FSTL4: variants seen among roughly 807,000 people sequenced by gnomAD.
FSTL4 encodes the protein follistatin like 4.
FSTL4 carries 28 observed loss-of-function variants against 78.2 expected under a neutral mutation model. The ratio of observed to expected loss-of-function variants is 0.36; its 90% CI spans 0.27 to 0.49. FSTL4 has a LOEUF of 0.49. FSTL4 is among the 20% of genes least tolerant of loss of function. The pLI is 0.98. For missense variants in FSTL4, 922 were observed against 1,084.9 expected, an observed-to-expected ratio of 0.85 and a Z score of 2.11; for synonymous variants, 422 against 440.5, an observed-to-expected ratio of 0.96 and a Z score of 0.53.
chr5:133,510,217 T>A (rs965917864), intron 3 of FSTL4, among the ~76,000 whole-genome samples: 1 of 152,166 alleles, frequency 6.6e-6, no homozygotes, highest in South Asian at 2.1e-4. Flanking sequence ...CAATGGAACC[T>A]CGTTGCCTTA....
At chr5:133,422,764 A>C (rs1215673799) in intron 3 of FSTL4, among the ~76,000 whole-genome samples, 32 of 152,232 alleles carry the variant, frequency 2.1e-4, no homozygotes, top group Non-Finnish European at 2.9e-5. Flanking sequence ...TTAGACAATT[A>C]TCGAGCATGG....
intron 3 of FSTL4, among the ~76,000 whole-genome samples, chr5:133,452,514 A>G (rs73280192): frequency 6.6e-6 from 1 of 152,342 alleles, no homozygotes; most frequent in East Asian, 1.9e-4. Context: ...ACCACCACCA[A>G]CAACAGCTAA....
At chr5:133,689,644 G>T in the FSTL4 span, among the ~76,000 whole-genome samples, 1 of 152,294 alleles carries the variant, frequency 6.6e-6, no homozygotes, top group Admixed American at 6.5e-5. Context: ...TTCCTTTGGG[G>T]ATCCAGGTTC....
chr5:133,828,776 A>G, the FSTL4 span, among the ~76,000 whole-genome samples: 1 of 152,250 alleles, frequency 6.6e-6, no homozygotes, highest in South Asian at 2.1e-4. Context: ...TAGTCTTTAC[A>G]GCTTGCTCCT....
chr5:133,745,846 C>T, the FSTL4 span, among the ~76,000 whole-genome samples: 3 of 152,250 alleles, frequency 2.0e-5, no homozygotes, highest in Admixed American at 2.0e-4. Flanking sequence ...AACATTACCC[C>T]TGCAGGGGTT....
At chr5:133,329,927 C>T (rs545324594) in intron 4 of FSTL4, among the ~76,000 whole-genome samples, 25 of 152,314 alleles carry the variant, frequency 1.6e-4, no homozygotes, top group Admixed American at 3.3e-4. Flanking sequence ...CCCTTTGCCC[C>T]GGGTTTGGCA....
chr5:133,463,575 G>A (rs189732907), intron 3 of FSTL4, among the ~76,000 whole-genome samples: 1 of 152,266 alleles, frequency 6.6e-6, no homozygotes, highest in East Asian at 1.9e-4. Flanking sequence ...GCAAGGCAGG[G>A]GAAATGGTCT....
At chr5:133,731,803 C>G in the FSTL4 span, among the ~76,000 whole-genome samples, 2 of 152,160 alleles carry the variant, frequency 1.3e-5, no homozygotes. Context: ...ACAGACACTG[C>G]TGGGGTGCTG....
intron 8 of FSTL4, among the ~76,000 whole-genome samples, chr5:133,228,567 T>C (rs1751401613): frequency 6.6e-6 from 1 of 152,188 alleles, no homozygotes; most frequent in African/African-American, 2.4e-5. Flanking sequence ...AAGAACATAC[T>C]GTGGGCAAGG....
rs184023191 is a variant in FSTL4, at chr5:133,611,321, C to T, written c.-11+1004G>A. Among the ~76,000 whole-genome samples the T allele has an allele frequency of 2.0e-5, 3 of 152,282 alleles. No individual in the cohort carries two copies. Among genetic ancestry groups the T allele is most frequent in the Admixed American group, 2.0e-4 (3 of 15,308 alleles). Reference sequence around the variant, plus strand: ...AAACCCCACTGCCTCGGCGGCTTTCCGCTCCCGCAAGAGTTGCGGGCACAA... The same window carrying T: ...AAACCCCACTGCCTCGGCGGCTTTCTGCTCCCGCAAGAGTTGCGGGCACAA... On this transcript the variant is annotated intron_variant, in intron 1 of 15. Coordinates refer to ENST00000265342, the MANE Select transcript of FSTL4 (RefSeq NM_015082.2). This position sits in a 1 kb window ranked among gnomAD's most constrained non-coding sequence, Gnocchi z 4.9.
intron 3 of FSTL4, among the ~76,000 whole-genome samples, chr5:133,503,174 A>C (rs974491470): frequency 6.6e-5 from 10 of 152,238 alleles, no homozygotes; most frequent in Admixed American, 6.5e-4. Context: ...AAATGATCAC[A>C]GATCATGCTT....
At chr5:133,519,864 C>T (rs987630311) in intron 3 of FSTL4, among the ~76,000 whole-genome samples, 38 of 152,274 alleles carry the variant, frequency 2.5e-4, no homozygotes, top group African/African-American at 8.4e-4. Flanking sequence ...AATGACAATA[C>T]TTAGGCAGGA....
chr5:133,526,275 G>C (rs2112903478), intron 3 of FSTL4, among the ~76,000 whole-genome samples: 1 of 152,266 alleles, frequency 6.6e-6, no homozygotes, highest in East Asian at 1.9e-4. Flanking sequence ...TGAAACCAAG[G>C]GGGTAGCCTC....
At chr5:133,762,441 A>G in the FSTL4 span, among the ~76,000 whole-genome samples, 1 of 152,208 alleles carries the variant, frequency 6.6e-6, no homozygotes, top group Non-Finnish European at 1.5e-5. Flanking sequence ...AACATAGACT[A>G]TAAAGTCAAA....
the FSTL4 span, among the ~76,000 whole-genome samples, chr5:133,639,807 G>C: frequency 1.7e-4 from 26 of 152,266 alleles, no homozygotes; most frequent in Admixed American, 1.2e-3. Flanking sequence ...ACCAGCTCGG[G>C]GTTGAGCTTG....
At chr5:133,459,865 C>G (rs982148894) in intron 3 of FSTL4, among the ~76,000 whole-genome samples, 2 of 152,208 alleles carry the variant, frequency 1.3e-5, no homozygotes, top group Non-Finnish European at 2.9e-5. Flanking sequence ...TCCCCTTTCC[C>G]TAGGCAAAGA....
At chr5:133,812,096 C>G in the FSTL4 span, among the ~76,000 whole-genome samples, 1 of 152,204 alleles carries the variant, frequency 6.6e-6, no homozygotes, top group African/African-American at 2.4e-5. Flanking sequence ...CTCTCTTTCC[C>G]TCATATTCCA....
the FSTL4 span, among the ~76,000 whole-genome samples, chr5:133,618,462 G>A: frequency 6.6e-6 from 1 of 152,224 alleles, no homozygotes; most frequent in Non-Finnish European, 1.5e-5. Flanking sequence ...ACTGGATAGA[G>A]AGGATAGTGA....
intron 3 of FSTL4, among the ~76,000 whole-genome samples, chr5:133,555,602 A>G (rs954728522): frequency 1.3e-5 from 2 of 152,234 alleles, no homozygotes; most frequent in African/African-American, 4.8e-5. Context: ...ATTATTTTAA[A>G]TTCCGTATAA....
Sources: gnomAD v4.1 joint callset for allele counts (sites outside exome capture counted in the v4.1 genomes callset) on GRCh38, gnomAD v4.1.1 for gene constraint, Gnocchi (gnomAD v3.1) non-coding constraint, MANE v1.5 for transcripts, NCBI Gene and HGNC (gene_info 2026-07-23, HGNC 2026-07-21) for gene names.